The following PRMT7 variants were observed in gnomAD, a reference collection of about 807,000 sequenced individuals.
PRMT7 encodes protein arginine methyltransferase 7.
A neutral mutation model predicts 85.4 loss-of-function variants in PRMT7; 75 were observed. The observed-to-expected ratio is 0.88, with a 90% CI of 0.73 to 1.06. The LOEUF is 1.06. Ranked by LOEUF, PRMT7 falls within the 50% of genes least tolerant of loss-of-function variation. The pLI is 0.00. For missense variants in PRMT7, 868 were observed against 915.2 expected (o/e 0.95, Z 0.67); for synonymous variants, 397 against 359.5 (o/e 1.10, Z -1.18).
intron 11 of PRMT7, among the ~76,000 whole-genome samples, chr16:68,346,790 G>T (rs1392728116): frequency 6.6e-6 from 1 of 152,058 alleles, no homozygotes; most frequent in African/African-American, 2.4e-5. Flanking sequence ...GGGATGGGGG[G>T]AGGATCCAAG....
chr16:68,315,723 C>A, intron 2 of PRMT7, 174 bp from the exon 3 acceptor site: 1 of 451,542 alleles, frequency 2.2e-6, no homozygotes. Flanking sequence ...GAAACATTTA[C>A]AATATCGATT....
intron 13 of PRMT7, 66 bp downstream of exon 13, chr16:68,347,744 A>G: frequency 6.8e-7 from 1 of 1,474,370 alleles, no homozygotes; most frequent in Non-Finnish European, 9.5e-7. Flanking sequence ...ATGGCTTTGA[A>G]GTGGCATTGG....
rs56041186 is a variant in PRMT7 at position 68,348,631 on chromosome 16, CTTTTTTTTTTTTTT to C, written c.1413+215_1413+228del. Among the ~76,000 whole-genome samples, 118 of 67,648 alleles carry C rather than the reference CTTTTTTTTTTTTTT, an allele frequency of 1.7e-3. 2 individuals carry two copies. In the South Asian group the frequency reaches 0.024, roughly 14 times the overall value. The allele number at this position is 67,648 out of a possible 152,430, so 44.4% of individuals were successfully genotyped here. A position where few individuals can be genotyped will look rare whatever the true frequency, so the allele number is the denominator to read the frequency against. On this transcript the variant is annotated intron_variant, in intron 14 of 18. Coordinates refer to ENST00000441236, the MANE Select transcript of PRMT7 (RefSeq NM_019023.5). Reference sequence around the variant, plus strand: ...CCGGTGAGCAGATGGTTGCACTGCTCTTTTTTTTTTTTTTTTTTTTTTTTTTTTGAAAATGGGGT... The same window carrying C: ...CCGGTGAGCAGATGGTTGCACTGCTCTTTTTTTTTTTTTTGAAAATGGGGT...
chr16:68,339,699 T>C, intron 8 of PRMT7, 89 bp from the exon 9 acceptor site: 2 of 1,571,628 alleles, frequency 1.3e-6, no homozygotes. Flanking sequence ...TGCAGCCAAA[T>C]GTCATTGCCA....
Position 68,315,897 on chromosome 16 carries a change from A to ATTTCTGACAGTCAGACTTG in PRMT7, c.-81_-63dup. 1.8e-6 allele frequency: 2 copies of ATTTCTGACAGTCAGACTTG among 1,138,844 alleles called. No homozygotes were observed. The highest frequency in any genetic ancestry group is 1.9e-5 in the Admixed American group (1 of 52,582). The allele number at this position is 1,138,844 out of a possible 1,614,324, so 70.5% of individuals were successfully genotyped here. A position where few individuals can be genotyped will look rare whatever the true frequency, so the allele number is the denominator to read the frequency against. On this transcript the variant is annotated splice_region_variant and 5_prime_UTR_variant, in exon 3 of 19. Coordinates refer to ENST00000441236, the MANE Select transcript of PRMT7 (RefSeq NM_019023.5). ...TCCTGTTTCCTTCTGATGTTAATAG[A>ATTTCTGACAGTCAGACTTG]TTTCTGACAGTCAGACTTGTCCACA...
At chr16:68,322,821 A>G (rs2151457063) in intron 4 of PRMT7, among the ~76,000 whole-genome samples, 1 of 152,184 alleles carries the variant, frequency 6.6e-6, no homozygotes, top group East Asian at 1.9e-4. Context: ...TCACGGGGTC[A>G]GGAGATCGAG....
At chr16:68,323,094 T>C (rs1301419502) in intron 4 of PRMT7, among the ~76,000 whole-genome samples, 1 of 152,174 alleles carries the variant, frequency 6.6e-6, no homozygotes, top group Non-Finnish European at 1.5e-5. Context: ...ATCTAAGACA[T>C]AAATGCACTT....
intron 15 of PRMT7, among the ~76,000 whole-genome samples, chr16:68,352,977 GTTAC>G (rs1487203137): frequency 6.6e-6 from 1 of 152,158 alleles, no homozygotes; most frequent in Non-Finnish European, 1.5e-5. Context: ...TTTCTCCTGT[GTTAC>G]TTGTTTACCT....
chr16:68,321,340 T>C, intron 3 of PRMT7, 86 bp from the exon 4 acceptor site: 1 of 1,003,234 alleles, frequency 1.0e-6, no homozygotes, highest in Non-Finnish European at 1.5e-6. Context: ...GTTTGTTCTA[T>C]CTGTTTAGCA....
At chr16:68,311,270 G>T in intron 1 of PRMT7, 171 bp downstream of exon 1, 1 of 409,082 alleles carries the variant, frequency 2.4e-6, no homozygotes, top group African/African-American at 2.1e-5. Flanking sequence ...CGGGGTTCTA[G>T]GCTGGCCCCG....
At chr16:68,360,582 T>C (rs1033855866), downstream of PRMT7, 3 of 153,052 alleles carry the variant, frequency 2.0e-5, no homozygotes, top group Non-Finnish European at 4.4e-5. Context: ...TAAAATGTAA[T>C]TGCCCTTGAA....
intron 5 of PRMT7, among the ~76,000 whole-genome samples, chr16:68,327,564 G>A (rs2083275834): frequency 6.6e-6 from 1 of 152,130 alleles, no homozygotes; most frequent in Non-Finnish European, 1.5e-5. Flanking sequence ...GACTGGGAAG[G>A]TAAGGGAGGG....
chr16:68,338,124 G>T (rs1341758487), intron 7 of PRMT7, among the ~76,000 whole-genome samples: 5 of 152,140 alleles, frequency 3.3e-5, no homozygotes, highest in Admixed American at 3.3e-4. Context: ...AGGATTGACA[G>T]CAGACTTATG....
intron 4 of PRMT7, 105 bp from the exon 5 acceptor site, chr16:68,324,578 C>A: frequency 7.1e-7 from 1 of 1,399,868 alleles, no homozygotes; most frequent in Non-Finnish European, 9.9e-7. Context: ...GGCCATAGGG[C>A]CCTGACTTGC....
intron 2 of PRMT7, among the ~76,000 whole-genome samples, chr16:68,314,828 T>C (rs1476749474): frequency 1.3e-5 from 2 of 152,162 alleles, no homozygotes; most frequent in Admixed American, 1.3e-4. Context: ...ATAGATCTCT[T>C]TGGGGAGACA....
Position 68,339,362 on chromosome 16 carries a change from C to T in PRMT7, c.545C>T (p.Ala182Val), listed in dbSNP as rs2151731308. The T allele has an allele frequency of 1.2e-6, 2 of 1,614,200 alleles. No homozygotes were observed. Among genetic ancestry groups the T allele is most frequent in the South Asian group, 2.2e-5 (2 of 91,082 alleles). ...GTGCCCCACAGAGCCACCGTCTATG[C>T]ACAGCTGGTGGAGTCCGGGAGGATG... ...EAVPHRATVY[A>V]QLVESGRMWS... The change falls in exon 8 of 19, where the codon GCA (alanine) becomes GTA (valine). Residue 182 changes from alanine to valine, a missense_variant. Physicochemically the swap from Ala to Val is moderately conservative, Grantham distance 64. Coordinates refer to ENST00000441236, the MANE Select transcript of PRMT7 (RefSeq NM_019023.5).
intron 6 of PRMT7, among the ~76,000 whole-genome samples, chr16:68,334,668 C>T (rs759227249): frequency 9.9e-5 from 15 of 152,190 alleles, no homozygotes; most frequent in Non-Finnish European, 2.2e-4. Flanking sequence ...TAGGAAGCTC[C>T]TGGGGTGGCT....
chr16:68,338,386 G>C (rs1353580580), intron 7 of PRMT7, among the ~76,000 whole-genome samples: 2 of 151,964 alleles, frequency 1.3e-5, no homozygotes, highest in Non-Finnish European at 2.9e-5. Context: ...CCTTGGGAAG[G>C]TTGGGAAGTG....
chr16:68,358,524 T>C lies in PRMT7; in HGVS notation c.*1300T>C, dbSNP rs1242766683. ...TGTGCTTACCATAGAAAACCCCTAA[T>C]GTCCCATGAAGATACAATACAGAAA... is the stretch of plus-strand genomic sequence containing the variant. On this transcript the variant is annotated 3_prime_UTR_variant, in exon 19 of 19. Coordinates refer to ENST00000441236, the MANE Select transcript of PRMT7 (RefSeq NM_019023.5). 6.6e-6 allele frequency: 1 copy of C among 152,642 alleles called. No homozygotes were observed. Among genetic ancestry groups the C allele is most frequent in the Non-Finnish European group, 1.5e-5 (1 of 68,050 alleles). 9.5% of individuals were successfully genotyped at this position (152,642 alleles called of 1,614,324 possible).
Sources: gnomAD v4.1 joint callset for allele counts (sites outside exome capture counted in the v4.1 genomes callset) on GRCh38, gnomAD v4.1.1 for gene constraint, MANE v1.5 for transcripts, NCBI Gene and HGNC (gene_info 2026-07-23, HGNC 2026-07-21) for gene names.